The following FGFR2 variants were observed in gnomAD, a reference collection of about 807,000 sequenced individuals.
The protein encoded by FGFR2 is fibroblast growth factor receptor 2.
FGFR2 carries 19 observed loss-of-function variants against 95.9 expected under a neutral mutation model. That is an observed-to-expected ratio of 0.20 (90% CI 0.14 to 0.29). The LOEUF is 0.29. FGFR2 is among the 10% of genes least tolerant of loss of function. FGFR2 has a pLI of 1.00. For synonymous variants in FGFR2, 392 were observed against 393.3 expected, an observed-to-expected ratio of 1.00 and a Z score of 0.04; for missense variants, 707 against 1,056.9, an observed-to-expected ratio of 0.67 and a Z score of 4.59.
chr10:121,588,045 T>C (rs765296756), intron 2 of FGFR2, among the ~76,000 whole-genome samples: 36 of 152,196 alleles, frequency 2.4e-4, no homozygotes, highest in Non-Finnish European at 5.1e-4. Context: ...ATATACAACA[T>C]AGAATACTAT....
At chr10:121,524,609 C>A (rs1265132384) in intron 6 of FGFR2, among the ~76,000 whole-genome samples, 1 of 152,186 alleles carries the variant, frequency 6.6e-6, no homozygotes, top group Non-Finnish European at 1.5e-5. Flanking sequence ...CACCACCCCT[C>A]GGAATCCCTA....
rs1849785253 is a variant in FGFR2, at chr10:121,517,117, T to A, written c.1084+202A>T. On this transcript the variant is annotated intron_variant, in intron 8 of 17. Transcript: ENST00000358487. The surrounding 1 kb of genome is among the most constrained non-coding windows in gnomAD (Gnocchi z 4.7). ...TCAGGTTTTAAGGGTGAAATTTCCC[T>A]TGATCATAAATGTGAGTGTGGGATC... is the stretch of plus-strand genomic sequence containing the variant. The A allele has an allele frequency of 1.5e-6, 1 of 645,772 alleles. No homozygotes were observed. Among genetic ancestry groups the A allele is most frequent in the Non-Finnish European group, 2.7e-6 (1 of 368,304 alleles). 40.0% of individuals were successfully genotyped at this position (645,772 alleles called of 1,614,324 possible). A position where few individuals can be genotyped will look rare whatever the true frequency, so the allele number is the denominator to read the frequency against.
intron 2 of FGFR2, among the ~76,000 whole-genome samples, chr10:121,587,769 AG>A (rs1385604039): frequency 6.6e-6 from 1 of 152,246 alleles, no homozygotes; most frequent in Middle Eastern, 3.2e-3. Context: ...TGCAGAGAAA[AG>A]GAAACACTTA....
intron 5 of FGFR2, among the ~76,000 whole-genome samples, chr10:121,548,243 GC>G (rs1854822362): frequency 1.8e-5 from 1 of 54,392 alleles, no homozygotes; most frequent in African/African-American, 5.3e-5. Context: ...GCCGCTTTTG[GC>G]CTTTTTTTTT....
chr10:121,534,857 C>G (rs928774329), intron 6 of FGFR2, among the ~76,000 whole-genome samples: 3 of 152,230 alleles, frequency 2.0e-5, no homozygotes, highest in Admixed American at 1.3e-4. Flanking sequence ...TCTGCTAACC[C>G]AACTGATGCC....
At chr10:121,509,055 A>G (rs1848680228) in intron 9 of FGFR2, among the ~76,000 whole-genome samples, 1 of 152,218 alleles carries the variant, frequency 6.6e-6, no homozygotes, top group Non-Finnish European at 1.5e-5. Context: ...CTCATCTCTG[A>G]AATCCTTCTA....
At chr10:121,526,303 T>G (rs1851356837) in intron 6 of FGFR2, 1 of 397,950 alleles carries the variant, frequency 2.5e-6, no homozygotes, top group African/African-American at 2.1e-5. Context: ...GGTGGTTGCT[T>G]TTGTTGCATA....
intron 2 of FGFR2, among the ~76,000 whole-genome samples, chr10:121,577,134 CAAAAAAAAAAA>C (rs1169487586): frequency 2.5e-4 from 1 of 3,948 alleles, no homozygotes; most frequent in African/African-American, 1.6e-3. Context: ...GACTCCATCT[CAAAAAAAAAAA>C]AAAAAAAAAA....
intron 2 of FGFR2, among the ~76,000 whole-genome samples, chr10:121,571,582 C>T (rs1858731860): frequency 6.6e-6 from 1 of 151,754 alleles, no homozygotes; most frequent in Admixed American, 6.6e-5. Context: ...GCTAGGATTA[C>T]AGGTGGTAGC....
At position 121,518,902 on chromosome 10, in the gene FGFR2, A is replaced by T. The variant is rs1252769951; in HGVS notation, c.939+1077T>A. The stretch of plus-strand genomic sequence containing the variant: ...TAGCATTGTCTATGGTCCCACCACC[A>T]ACACACCGCAAGAAAACAAACTCCA... On this transcript the variant is annotated intron_variant, in intron 7 of 17. Coordinates refer to ENST00000358487, the MANE Select transcript of FGFR2 (RefSeq NM_000141.5). This position sits in a 1 kb window ranked among gnomAD's most constrained non-coding sequence, Gnocchi z 4.0. The T allele has an allele frequency of 1.3e-6, 2 of 1,575,096 alleles. No individual in the cohort carries two copies. Among genetic ancestry groups the T allele is most frequent in the African/African-American group, 1.3e-5 (1 of 74,138 alleles).
intron 5 of FGFR2, among the ~76,000 whole-genome samples, chr10:121,544,225 A>T (rs143777976): frequency 0.018 from 2,789 of 152,180 alleles, 41 homozygotes; most frequent in Middle Eastern, 0.034. Flanking sequence ...AGGTGGGTGG[A>T]TGGCAAGTTC....
chr10:121,515,199 T>C lies in FGFR2; in HGVS notation c.1205A>G (p.Asn402Ser), dbSNP rs764748528. ...GCTGAAGTCTGGCTTCTTGGTCGTG[T>C]TCTTCATTCGGCACAGGATGACTGT... ...VVTVILCRMK[N>S]TTKKPDFSSQ... is the part of the protein sequence containing the mutation. Residue 402 changes from asparagine to serine, a missense_variant, in exon 9 of 18, where the codon AAC becomes AGC. Physicochemically the swap from Asn to Ser is conservative, Grantham distance 46. Coordinates refer to ENST00000358487, the MANE Select transcript of FGFR2 (RefSeq NM_000141.5). The C allele has an allele frequency of 1.2e-6, 2 of 1,614,082 alleles. No homozygotes were observed. The highest frequency in any genetic ancestry group is 1.3e-5 in the African/African-American group (1 of 74,922).
chr10:121,595,760 G>A (rs559510722), intron 1 of FGFR2, among the ~76,000 whole-genome samples: 13 of 152,322 alleles, frequency 8.5e-5, no homozygotes, highest in African/African-American at 3.1e-4. Context: ...TCCCCGGCCT[G>A]CTCGCCCACC....
chr10:121,497,130 CAAAAAAAAAAA>C (rs35537265), intron 12 of FGFR2, among the ~76,000 whole-genome samples: 2 of 91,454 alleles, frequency 2.2e-5, no homozygotes, highest in African/African-American at 7.6e-5. Context: ...GACTTTGTCT[CAAAAAAAAAAA>C]AAAAAAAAGA....
chr10:121,488,513 C>T (rs1845717681), intron 13 of FGFR2, among the ~76,000 whole-genome samples: 1 of 142,120 alleles, frequency 7.0e-6, no homozygotes, highest in African/African-American at 2.6e-5. Flanking sequence ...TGCACTCCAG[C>T]CTGGGTGACA....
rs1589748314 is a variant in FGFR2, at chr10:121,494,989, T to G, written c.1863+1543A>C. ...CCAGTCCAGGATCCCACTTTTACAC[T>G]TAGGAATTGTCTCATCGGCCCCCTT... On this transcript the variant is annotated intron_variant, in intron 13 of 17. Coordinates refer to ENST00000358487, the MANE Select transcript of FGFR2 (RefSeq NM_000141.5). Among the ~76,000 whole-genome samples, 4 of 152,226 alleles carry G rather than the reference T, an allele frequency of 2.6e-5. 1 individual carries two copies. The South Asian group carries it at 8.3e-4, about 32-fold the overall frequency.
At chr10:121,574,609 T>TTGCA (rs1237734715) in intron 2 of FGFR2, among the ~76,000 whole-genome samples, 1 of 152,060 alleles carries the variant, frequency 6.6e-6, no homozygotes, top group African/African-American at 2.4e-5. Flanking sequence ...CCAACCACCT[T>TTGCA]TGCATGCCCT....
rs780458049 is a variant in FGFR2 at position 121,564,565 on chromosome 10, C to T, written c.391G>A (p.Gly131Arg). 5.0e-6 allele frequency: 8 copies of T among 1,613,320 alleles called. No individual in the cohort carries two copies. The highest frequency in any genetic ancestry group is 3.3e-5 in the Admixed American group (2 of 59,996). The stretch of plus-strand genomic sequence containing the variant: ...CCATCGGTGTCATCCTCATCATCTC[C>T]GGATGAGATGGCATCTGTATGCAAA... ...MVNVTDAISS[G>R]DDEDDTDGAE... Residue 131 changes from glycine (G) to arginine (R), a missense_variant, in exon 4 of 18, where the codon GGA becomes AGA. Physicochemically the swap from Gly to Arg is moderately radical, Grantham distance 125. Coordinates refer to ENST00000358487, the MANE Select transcript of FGFR2 (RefSeq NM_000141.5).
At chr10:121,541,941 C>A (rs943177482) in intron 5 of FGFR2, among the ~76,000 whole-genome samples, 1 of 152,116 alleles carries the variant, frequency 6.6e-6, no homozygotes, top group African/African-American at 2.4e-5. Flanking sequence ...AGCACAATTA[C>A]TTCAAGGCAC....
Sources: allele counts gnomAD v4.1 joint callset (sites outside exome capture counted in the v4.1 genomes callset), GRCh38; gene constraint gnomAD v4.1.1; non-coding constraint Gnocchi (gnomAD v3.1); transcripts MANE v1.5; gene names NCBI Gene and HGNC (gene_info 2026-07-23, HGNC 2026-07-21).